Variants in FAM118A observed in about 807,000 individuals in gnomAD.
FAM118A encodes protein FAM118A.
FAM118A carries 25 observed loss-of-function variants against 38.2 expected under a neutral mutation model. The observed-to-expected ratio is 0.65, with a 90% CI of 0.48 to 0.91. The LOEUF is 0.91. Ranked by LOEUF, FAM118A falls within the 40% of genes least tolerant of loss-of-function variation. The probability of loss-of-function intolerance (pLI) is 0.00; values close to 1 mark genes in which losing one functional copy is unlikely to be tolerated. For missense variants in FAM118A, 425 were observed against 463.3 expected (o/e 0.92, Z 0.76); for synonymous variants, 178 against 184.1 (o/e 0.97, Z 0.27).
intron 1 of FAM118A, among the ~76,000 whole-genome samples, chr22:45,319,867 G>C (rs1444885462): frequency 2.0e-5 from 3 of 152,204 alleles, no homozygotes; most frequent in Non-Finnish European, 4.4e-5. Context: ...CCCTGGGGCA[G>C]GTTACAGGCA....
At chr22:45,337,440 T>C (rs889519169) in intron 8 of FAM118A, among the ~76,000 whole-genome samples, 1 of 152,208 alleles carries the variant, frequency 6.6e-6, no homozygotes, top group African/African-American at 2.4e-5. Flanking sequence ...CATTCTCCCA[T>C]TTTTTATTGT....
chr22:45,330,533 C>T, intron 4 of FAM118A, 70 bp from the exon 5 acceptor site: 1 of 1,409,512 alleles, frequency 7.1e-7, no homozygotes, highest in Non-Finnish European at 9.4e-7. Context: ...AATCCATTTT[C>T]AGTATTTTCT....
Position 45,317,850 on chromosome 22 carries a change from G to A in FAM118A, c.-9-4521G>A, listed in dbSNP as rs6007585. Among the ~76,000 whole-genome samples the A allele has an allele frequency of 7.4e-3, 1,126 of 152,298 alleles. 13 individuals carry two copies. The highest frequency in any genetic ancestry group is 0.026 in the African/African-American group (1,077 of 41,572). On this transcript the variant is annotated intron_variant, in intron 1 of 8. Transcript: ENST00000441876. ...GAATTCCACCGGGACAGGCTCTGTC[G>A]TAAAGGGTGTGTCGGACTTGTACTT... is the stretch of plus-strand genomic sequence containing the variant.
At chr22:45,309,657 C>G (rs1017375862), upstream of FAM118A, 1 of 152,284 alleles carries the variant, frequency 6.6e-6, no homozygotes, top group Non-Finnish European at 1.5e-5. Context: ...CCAGGTAGGG[C>G]TAGGACGCGG....
chr22:45,311,362 G>A (rs1053061612), intron 1 of FAM118A, among the ~76,000 whole-genome samples: 2 of 152,154 alleles, frequency 1.3e-5, no homozygotes, highest in South Asian at 2.1e-4. Context: ...CTTTGCTCCC[G>A]GAGGCCCACC....
chr22:45,329,805 G>C (rs756547754), intron 4 of FAM118A: 1 of 152,304 alleles, frequency 6.6e-6, no homozygotes, highest in Non-Finnish European at 1.5e-5. Context: ...TGCATAAACA[G>C]AACTGCCAGC....
At chr22:45,327,075 A>T (rs981312289) in intron 3 of FAM118A, among the ~76,000 whole-genome samples, 3 of 151,082 alleles carry the variant, frequency 2.0e-5, no homozygotes, top group African/African-American at 7.3e-5. Flanking sequence ...AATTAAAAAA[A>T]TTTTTAAAAA....
At chr22:45,316,565 G>C (rs1271012696) in intron 1 of FAM118A, among the ~76,000 whole-genome samples, 1 of 152,218 alleles carries the variant, frequency 6.6e-6, no homozygotes, top group Non-Finnish European at 1.5e-5. Flanking sequence ...TTCCAGAGCT[G>C]CCTTGGTGTA....
intron 1 of FAM118A, among the ~76,000 whole-genome samples, chr22:45,311,913 C>G (rs116888744): frequency 0.014 from 2,147 of 152,150 alleles, 23 homozygotes; most frequent in Non-Finnish European, 0.022. Flanking sequence ...ACCGTAGGGT[C>G]TGTGGTCGCC....
chr22:45,313,653 C>T (rs1419307997), intron 1 of FAM118A, among the ~76,000 whole-genome samples: 14 of 152,062 alleles, frequency 9.2e-5, no homozygotes, highest in Admixed American at 2.6e-4. Flanking sequence ...CTGTGGCAGA[C>T]GGTATGGATT....
At chr22:45,334,923 C>T (rs1198128562) in intron 6 of FAM118A, 1 of 172,848 alleles carries the variant, frequency 5.8e-6, no homozygotes, top group Non-Finnish European at 1.2e-5. Context: ...GGCTGAGCAG[C>T]TTTCTGTCCC....
Position 45,332,582 on chromosome 22 carries a change from ATTTC to A in FAM118A, c.813_816del (p.Phe271LeufsTer64). ...CTTGTGCTGAAGGAGAATGAAGACC[ATTTC>A]TTTAAGCATCAGGCAGATATGCTTC... On this transcript the variant is annotated frameshift_variant, in exon 6 of 9. Coordinates refer to ENST00000441876, the MANE Select transcript of FAM118A (RefSeq NM_017911.4). LOFTEE classifies it high-confidence loss of function. The A allele has an allele frequency of 6.2e-7, 1 of 1,614,122 alleles. No homozygotes were observed. The highest frequency in any genetic ancestry group is 2.2e-5 in the East Asian group (1 of 44,872).
intron 3 of FAM118A, among the ~76,000 whole-genome samples, chr22:45,325,407 G>A (rs1481775379): frequency 1.3e-5 from 2 of 152,156 alleles, no homozygotes; most frequent in Non-Finnish European, 2.9e-5. Flanking sequence ...GAAGGGTGAG[G>A]GGCTTGCAAG....
intron 8 of FAM118A, among the ~76,000 whole-genome samples, chr22:45,339,897 C>A (rs1430718773): frequency 6.6e-6 from 1 of 152,166 alleles, no homozygotes; most frequent in Non-Finnish European, 1.5e-5. Context: ...TCCTAGACGC[C>A]ATCACCTGCA....
At chr22:45,310,289 A>T (rs539156287) in intron 1 of FAM118A, 106 bp downstream of exon 1, 1 of 149,020 alleles carries the variant, frequency 6.7e-6, no homozygotes, top group African/African-American at 2.5e-5. Context: ...ACTCCCTCTC[A>T]GCTCTTCCCC....
At chr22:45,330,982 C>T (rs1173942543) in intron 5 of FAM118A, among the ~76,000 whole-genome samples, 1 of 152,184 alleles carries the variant, frequency 6.6e-6, no homozygotes. Context: ...TGATTCCTTT[C>T]AAAGCAGAGA....
At chr22:45,311,728 A>G (rs963122989) in intron 1 of FAM118A, among the ~76,000 whole-genome samples, 2 of 151,714 alleles carry the variant, frequency 1.3e-5, no homozygotes, top group Non-Finnish European at 2.9e-5. Flanking sequence ...ACTTTTTTGG[A>G]GGAAGCAAGA....
chr22:45,331,976 A>G (rs1271578791), intron 5 of FAM118A, among the ~76,000 whole-genome samples: 1 of 152,184 alleles, frequency 6.6e-6, no homozygotes, highest in East Asian at 1.9e-4. Context: ...GATCAACATT[A>G]ATTTCAGGGT....
chr22:45,326,823 T>G (rs1258850792), intron 3 of FAM118A, among the ~76,000 whole-genome samples: 3 of 82,298 alleles, frequency 3.6e-5, no homozygotes, highest in African/African-American at 1.7e-4. Context: ...AGACTCTGTC[T>G]CAAAAAAAAA....
Sources: allele counts gnomAD v4.1 joint callset (sites outside exome capture counted in the v4.1 genomes callset), GRCh38; gene constraint gnomAD v4.1.1; transcripts MANE v1.5; gene names NCBI Gene and HGNC (gene_info 2026-07-23, HGNC 2026-07-21).